LBHD1: variants seen among roughly 807,000 people sequenced by gnomAD.
LBHD1 encodes LBH domain-containing protein 1.
Under a neutral mutation model 31.1 loss-of-function variants are expected in LBHD1, and 28 were observed. The observed-to-expected ratio is 0.90, with a 90% CI of 0.67 to 1.24. LBHD1 has a LOEUF of 1.24. LBHD1 is among the 50% of genes most tolerant of loss of function. The pLI, the probability that LBHD1 is intolerant of heterozygous loss-of-function variation, is 0.00. For missense variants in LBHD1, 350 were observed against 323.0 expected, an observed-to-expected ratio of 1.08 and a Z score of -0.64; for synonymous variants, 105 against 116.5, an observed-to-expected ratio of 0.90 and a Z score of 0.63.
chr11:62,665,417 A>G (rs1165631518), intron 4 of LBHD1: 8 of 1,483,598 alleles, frequency 5.4e-6, no homozygotes, highest in Non-Finnish European at 7.3e-6. Flanking sequence ...GCGGGGTCTC[A>G]GGACCCTCCT....
rs544265254 is a variant in LBHD1, at chr11:62,671,832, C to G, written c.-279G>C. ...GCTACGCGCTCCTCGTTATCGTGAC[C>G]CCGGGAGAGCGGCGGAAGCAGGAAA... On this transcript the variant is annotated 5_prime_UTR_variant, in exon 1 of 7. Transcript: ENST00000354588. 1.2e-5 allele frequency: 20 copies of G among 1,614,016 alleles called. No homozygotes were observed. The highest frequency in any genetic ancestry group is 1.6e-5 in the Non-Finnish European group (19 of 1,180,038).
At chr11:62,666,570 A>AT (rs1157686904) in intron 4 of LBHD1, 4 of 1,614,008 alleles carry the variant, frequency 2.5e-6, no homozygotes, top group African/African-American at 2.7e-5. Flanking sequence ...CGAGTGCTGG[A>AT]TGTGGGCTGT....
In LBHD1 at chr11:62,671,785, C is replaced by T. The variant is rs1313735809; in HGVS notation, c.-232G>A. On this transcript the variant is annotated 5_prime_UTR_variant, in exon 1 of 7. Transcript: ENST00000354588. ...GAAAATGCTGATCTCAGTCGCAATG[C>T]TGGGCGCAGGGGCTGGCGTGGGCTA... The T allele has an allele frequency of 1.4e-5, 23 of 1,614,110 alleles. No homozygotes were observed. Among genetic ancestry groups the T allele is most frequent in the Non-Finnish European group, 1.8e-5 (21 of 1,180,008 alleles).
intron 5 of LBHD1, among the ~76,000 whole-genome samples, chr11:62,664,022 G>A (rs1364663194): frequency 1.2e-4 from 17 of 143,274 alleles, no homozygotes; most frequent in African/African-American, 4.1e-4. Flanking sequence ...GCAGTGAGCC[G>A]AGATCATGCC....
rs1306876700 is a variant in LBHD1 at position 62,671,909 on chromosome 11, A to C, written c.-356T>G. The C allele has an allele frequency of 1.2e-6, 2 of 1,613,034 alleles. No homozygotes were observed. Among genetic ancestry groups the C allele is most frequent in the Non-Finnish European group, 1.7e-6 (2 of 1,179,350 alleles). On this transcript the variant is annotated 5_prime_UTR_variant, in exon 1 of 7. Transcript: ENST00000354588. ...CCCGAGGAAGGGTGGGCGGGTGGAG[A>C]GCCCCGGACTGGAGCTCCTGCGAAC...
Position 62,666,902 on chromosome 11 carries a change from GGGACCCTGATTCAGTTCTCAGATGA to G in LBHD1, c.538+596_538+620del, listed in dbSNP as rs755907317. 1.1e-4 allele frequency: 172 copies of G among 1,614,008 alleles called. 1 individual carries two copies. The East Asian group carries it at 1.7e-3, about 16-fold the overall frequency. On this transcript the variant is annotated intron_variant, in intron 4 of 6. Coordinates refer to ENST00000354588, the MANE Select transcript of LBHD1 (RefSeq NM_024099.5). Reference sequence around the variant, plus strand: ...ATGCTTGAGGGTTCTAAACCCTCAGGGGACCCTGATTCAGTTCTCAGATGAGGACCCTGATGTGCGACTGCCCTGC... The same window carrying G: ...ATGCTTGAGGGTTCTAAACCCTCAGGGGACCCTGATGTGCGACTGCCCTGC...
At chr11:62,669,354 G>T (rs1302549858) in intron 3 of LBHD1, 1 of 967,846 alleles carries the variant, frequency 1.0e-6, no homozygotes, top group African/African-American at 1.8e-5. Context: ...CTGAGATCGC[G>T]CCACTGCACT....
chr11:62,664,880 G>T lies in LBHD1; in HGVS notation c.632C>A (p.Ala211Asp). The T allele has an allele frequency of 6.3e-7, 1 of 1,584,180 alleles. No homozygotes were observed. The change falls in exon 5 of 7, where the codon GCT (alanine) becomes GAT (aspartate). Residue 211 changes from alanine (A) to aspartate (D), a missense_variant. Physicochemically the swap from Ala to Asp is moderately radical, Grantham distance 126. Transcript: ENST00000354588. ...TTCTTGAGGTGGTGCCGCGTGATCA[G>T]CCCTTGGTCTATCACAGCCCCGACC... ...PGGRGCDRPR[A>D]DHAAPPQEAG...
Position 62,665,424 on chromosome 11 carries a change from T to G in LBHD1, c.539-451A>C, listed in dbSNP as rs776118311. On this transcript the variant is annotated intron_variant, in intron 4 of 6. Coordinates refer to ENST00000354588, the MANE Select transcript of LBHD1 (RefSeq NM_024099.5). ...GGCTCTGGGCGGGGTCTCAGGACCC[T>G]CCTTTTCTTGGCGGGGATCGGGCTT... 1.9e-5 allele frequency: 29 copies of G among 1,519,348 alleles called. No homozygotes were observed. The Middle Eastern group carries it at 5.5e-4, about 29-fold the overall frequency. 94.1% of individuals were successfully genotyped at this position (1,519,348 alleles called of 1,614,324 possible). A position where few individuals can be genotyped will look rare whatever the true frequency, so the allele number is the denominator to read the frequency against.
Position 62,671,876 on chromosome 11 carries a change from C to T in LBHD1, c.-323G>A. On this transcript the variant is annotated 5_prime_UTR_variant, in exon 1 of 7. Transcript: ENST00000354588. Reference sequence around the variant, plus strand: ...CAGGAAATGCTAAAGGTAGAAGCAACTGGTAGTCCCGAGGAAGGGTGGGCG... The same window carrying T: ...CAGGAAATGCTAAAGGTAGAAGCAATTGGTAGTCCCGAGGAAGGGTGGGCG... 6.2e-7 allele frequency: 1 copy of T among 1,613,926 alleles called. No individual in the cohort carries two copies. The highest frequency in any genetic ancestry group is 8.5e-7 in the Non-Finnish European group (1 of 1,179,904).
At position 62,663,246 on chromosome 11, in the gene LBHD1, T is replaced by C. The variant is rs752883295; in HGVS notation, c.751A>G (p.Ser251Gly). The change falls in exon 6 of 7, where the codon AGC (serine) becomes GGC (glycine). Residue 251 changes from serine (S) to glycine (G), a missense_variant. Physicochemically the swap from Ser to Gly is moderately conservative, Grantham distance 56 (BLOSUM62 0). Transcript: ENST00000354588. ...ADPACPERED[S>G]HGSGSPFKAS... ...CTGTCCCAGCCTCACCTTCCATGGC[T>C]GTCTTCTCTTTCTGGGCAAGCCGGA... 8.7e-6 allele frequency: 14 copies of C among 1,614,154 alleles called. No homozygotes were observed. The highest frequency in any genetic ancestry group is 1.0e-5 in the Non-Finnish European group (12 of 1,180,008).
At chr11:62,666,168 C>G in intron 4 of LBHD1, 1 of 699,252 alleles carries the variant, frequency 1.4e-6, no homozygotes, top group African/African-American at 1.8e-5. Flanking sequence ...GGCAACATAG[C>G]GAGACCCTGT....
rs759376855 is a variant in LBHD1, at chr11:62,669,771, A to T, written c.183T>A (p.Ile61=). ...CATTCACCTCACTGGATTCCACCAC[A>T]ATAGACGGCAGATGGGACTTTTGAG... ...DFSQKSHLPS[I]VVESSEVNEE... Residue 61 remains isoleucine, a synonymous_variant, in exon 3 of 7, where the codon ATT becomes ATA. Coordinates refer to ENST00000354588, the MANE Select transcript of LBHD1 (RefSeq NM_024099.5). 2 of 1,614,202 alleles carry T rather than the reference A, an allele frequency of 1.2e-6. No individual in the cohort carries two copies. The highest frequency in any genetic ancestry group is 2.2e-5 in the South Asian group (2 of 91,088).
In LBHD1 at chr11:62,672,126, C is replaced by G; in HGVS notation, c.-573G>C. On this transcript the variant is annotated 5_prime_UTR_variant, in exon 1 of 7. Coordinates refer to ENST00000354588, the MANE Select transcript of LBHD1 (RefSeq NM_024099.5). ...GGAGGTCACCGTGAGACCGGACTTGCCTCCGTGGGCGCCGGACCTTGGCTT... is the reference window on the plus strand; with the variant it reads ...GGAGGTCACCGTGAGACCGGACTTGGCTCCGTGGGCGCCGGACCTTGGCTT... The G allele has an allele frequency of 6.4e-7, 1 of 1,559,400 alleles. No individual in the cohort carries two copies. Among genetic ancestry groups the G allele is most frequent in the Non-Finnish European group, 8.7e-7 (1 of 1,153,666 alleles).
At chr11:62,665,305 G>T (rs572289694) in intron 4 of LBHD1, 5 of 713,780 alleles carry the variant, frequency 7.0e-6, no homozygotes, top group East Asian at 2.7e-5. Context: ...TCCGCGGTGC[G>T]GGAGGCCTTT....
At position 62,671,861 on chromosome 11, in the gene LBHD1, T is replaced by C. The variant is rs1944951888; in HGVS notation, c.-308A>G. ...GGAGAGCGGCGGAAGCAGGAAATGCTAAAGGTAGAAGCAACTGGTAGTCCC... is the reference window on the plus strand; with the variant it reads ...GGAGAGCGGCGGAAGCAGGAAATGCCAAAGGTAGAAGCAACTGGTAGTCCC... On this transcript the variant is annotated 5_prime_UTR_variant, in exon 1 of 7. Coordinates refer to ENST00000354588, the MANE Select transcript of LBHD1 (RefSeq NM_024099.5). The C allele has an allele frequency of 6.2e-7, 1 of 1,614,030 alleles. No homozygotes were observed. The highest frequency in any genetic ancestry group is 1.6e-4 in the Middle Eastern group (1 of 6,062).
chr11:62,666,685 CCT>C, intron 4 of LBHD1: 10 of 1,614,094 alleles, frequency 6.2e-6, no homozygotes, highest in Non-Finnish European at 8.5e-6. Context: ...TGAATAGCCT[CCT>C]GGAGGGTGGC....
Position 62,667,443 on chromosome 11 carries a change from A to G in LBHD1, c.538+80T>C, listed in dbSNP as rs775000759. ...GTAAGCCTCATTTTTGTCACCTGTA[A>G]AAGGAGATTGTAAGAGGATGGGTAT... is the stretch of plus-strand genomic sequence containing the variant. On this transcript the variant is annotated intron_variant, in intron 4 of 6. Coordinates refer to ENST00000354588, the MANE Select transcript of LBHD1 (RefSeq NM_024099.5). 2.1e-6 allele frequency: 3 copies of G among 1,452,058 alleles called. No individual in the cohort carries two copies. The East Asian group carries it at 6.8e-5, about 33-fold the overall frequency. 89.9% of individuals were successfully genotyped at this position (1,452,058 alleles called of 1,614,324 possible). A position where few individuals can be genotyped will look rare whatever the true frequency, so the allele number is the denominator to read the frequency against.
At chr11:62,663,911 A>G (rs893762888) in intron 5 of LBHD1, among the ~76,000 whole-genome samples, 74 of 150,576 alleles carry the variant, frequency 4.9e-4, no homozygotes, top group African/African-American at 1.7e-3. Context: ...CGTCTCTACT[A>G]AAAATACAAA....
Sources: gnomAD v4.1 joint callset for allele counts (sites outside exome capture counted in the v4.1 genomes callset) on GRCh38, gnomAD v4.1.1 for gene constraint, MANE v1.5 for transcripts, NCBI Gene and HGNC (gene_info 2026-07-23, HGNC 2026-07-21) for gene names.